The following SF3A2 variants were observed in gnomAD, a reference collection of about 807,000 sequenced individuals.
SF3A2 encodes the protein splicing factor 3a subunit 2.
A neutral mutation model predicts 31.1 loss-of-function variants in SF3A2; 5 were observed. The observed-to-expected ratio is 0.16, with a 90% confidence interval of 0.08 to 0.34. The LOEUF is 0.34. Ranked by LOEUF, SF3A2 falls within the 10% of genes least tolerant of loss-of-function variation. The pLI, the probability that SF3A2 is intolerant of heterozygous loss-of-function variation, is 1.00. For synonymous variants in SF3A2, 365 were observed against 263.7 expected (o/e 1.38, Z -3.72); for missense variants, 577 against 643.9 (o/e 0.90, Z 1.13).
intron 1 of SF3A2, among the ~76,000 whole-genome samples, chr19:2,242,745 G>T (rs2024902022): frequency 1.3e-5 from 2 of 152,178 alleles, no homozygotes; most frequent in Admixed American, 1.3e-4. Flanking sequence ...GCCTGAAAGG[G>T]CGTGGGAGAC....
chr19:2,247,911 C>A lies in SF3A2; in HGVS notation c.760C>A (p.Pro254Thr). ...ACCGCTGCCTGAGTCTTTGCCACCG[C>A]CCCCGCCAGGAGGCCTGCCTCTGCC... is the stretch of plus-strand genomic sequence containing the variant. ...RPPLPESLPP[P>T]PPGGLPLPPM... Residue 254 changes from proline to threonine, a missense_variant, in exon 9 of 9, where the codon CCC becomes ACC. By Grantham distance (38) the Pro-to-Thr change is conservative. This residue lies in a region of SF3A2 where 462 missense variants were observed against 339.1 expected (regional missense o/e 1.36). Coordinates refer to ENST00000221494, the MANE Select transcript of SF3A2 (RefSeq NM_007165.5). The A allele has an allele frequency of 2.5e-6, 4 of 1,574,592 alleles. No homozygotes were observed. Among genetic ancestry groups the A allele is most frequent in the Non-Finnish European group, 3.5e-6 (4 of 1,159,184 alleles).
intron 1 of SF3A2, among the ~76,000 whole-genome samples, chr19:2,241,041 G>A (rs79523899): frequency 3.3e-5 from 5 of 152,208 alleles, no homozygotes; most frequent in Admixed American, 6.5e-5. Context: ...TGCAGGCTTG[G>A]GGGTAGAGAC....
In SF3A2 at chr19:2,248,290, A is replaced by G; in HGVS notation, c.1139A>G (p.His380Arg). Residue 380 changes from histidine (H) to arginine (R), a missense_variant, in exon 9 of 9, where the codon CAC (histidine) becomes CGC (arginine). This residue lies in a region of SF3A2 where 462 missense variants were observed against 339.1 expected (regional missense o/e 1.36). Transcript: ENST00000221494. ...AGVHPQAPGVHPAAPAVHPQA... is the reference protein window; with the variant it reads ...AGVHPQAPGVRPAAPAVHPQA... ...GTTCACCCCCAGGCCCCGGGGGTGC[A>G]CCCAGCAGCCCCCGCCGTTCACCCT... 1 of 1,265,488 alleles carries G rather than the reference A, an allele frequency of 7.9e-7. No homozygotes were observed. Among genetic ancestry groups the G allele is most frequent in the Middle Eastern group, 2.6e-4 (1 of 3,856 alleles). 78.4% of individuals were successfully genotyped at this position (1,265,488 alleles called of 1,614,324 possible). A position where few individuals can be genotyped will look rare whatever the true frequency, so the allele number is the denominator to read the frequency against.
rs559739704 is a variant in SF3A2, at chr19:2,246,369, C to T, written c.356-384C>T. ...GGGAAGGGCATCCTCTCTCGCTCAC[C>T]GTATACATGGTGTCAGCCCTGTTCA... On this transcript the variant is annotated intron_variant, in intron 5 of 8. Transcript: ENST00000221494. This position sits in a 1 kb window ranked among gnomAD's most constrained non-coding sequence, Gnocchi z 5.5. 8.5e-5 allele frequency among the ~76,000 whole-genome samples: 13 copies of T among 152,212 alleles called. No individual in the cohort carries two copies. The highest frequency in any genetic ancestry group is 5.9e-4 in the Admixed American group (9 of 15,296).
intron 1 of SF3A2, among the ~76,000 whole-genome samples, chr19:2,238,726 C>T (rs1161430275): frequency 6.6e-6 from 1 of 152,218 alleles, no homozygotes; most frequent in Non-Finnish European, 1.5e-5. Context: ...CCACCTCTCA[C>T]ACACCTATCA....
intron 1 of SF3A2, chr19:2,237,635 G>C (rs1055498200): frequency 4.6e-5 from 7 of 152,204 alleles, no homozygotes; most frequent in African/African-American, 1.7e-4. Flanking sequence ...CGGGATCGCG[G>C]CTGAAATGGT....
intron 2 of SF3A2, among the ~76,000 whole-genome samples, chr19:2,244,128 GGTCTTCAGTGTAGCCCATTTGCTTTTCTT>G (rs1424833974): frequency 1.3e-5 from 2 of 152,194 alleles, no homozygotes; most frequent in African/African-American, 4.8e-5. Flanking sequence ...CGGGTCTTTG[GGTCTTCAGTGTAGCCCATTTGCTTTTCTT>G]GTGCCTGTGT....
At position 2,246,853 on chromosome 19, in the gene SF3A2, G is replaced by A. The variant is rs939823677; in HGVS notation, c.406-29G>A. On this transcript the variant is annotated intron_variant, in intron 6 of 8. Transcript: ENST00000221494. This position sits in a 1 kb window ranked among gnomAD's most constrained non-coding sequence, Gnocchi z 5.5. Reference sequence around the variant, plus strand: ...GGGCGGCCAAAGGCACCCAAGAGGCGGCTCTGCCACCCGGCCGTGTCCCTG... The same window carrying A: ...GGGCGGCCAAAGGCACCCAAGAGGCAGCTCTGCCACCCGGCCGTGTCCCTG... 9.3e-6 allele frequency: 15 copies of A among 1,613,048 alleles called. No individual in the cohort carries two copies. Among genetic ancestry groups the A allele is most frequent in the Non-Finnish European group, 1.3e-5 (15 of 1,179,774 alleles).
chr19:2,245,622 A>C lies in SF3A2; in HGVS notation c.355+67A>C. On this transcript the variant is annotated intron_variant, in intron 5 of 8. Transcript: ENST00000221494. This position sits in a 1 kb window ranked among gnomAD's most constrained non-coding sequence, Gnocchi z 4.2. The stretch of plus-strand genomic sequence containing the variant: ...GACATAAGTGTGTTCTTTAGTCTCC[A>C]GTGCGGGAGGTGCAGCCCTGATAGC... 1 of 1,208,388 alleles carries C rather than the reference A, an allele frequency of 8.3e-7. No homozygotes were observed. The highest frequency in any genetic ancestry group is 1.2e-6 in the Non-Finnish European group (1 of 835,122). 74.9% of individuals were successfully genotyped at this position (1,208,388 alleles called of 1,614,324 possible).
Position 2,244,620 on chromosome 19 carries a change from G to C in SF3A2, c.198+5G>C. On this transcript the variant is annotated splice_donor_5th_base_variant and intron_variant, in intron 3 of 8. Transcript: ENST00000221494. Reference sequence around the variant, plus strand: ...CTGACACTTCACAACAATGAGGTGCGGCCTCTGCCTGGCTCCGGGCGGCTC... The same window carrying C: ...CTGACACTTCACAACAATGAGGTGCCGCCTCTGCCTGGCTCCGGGCGGCTC... 3 of 1,613,868 alleles carry C rather than the reference G, an allele frequency of 1.9e-6. No individual in the cohort carries two copies. Among genetic ancestry groups the C allele is most frequent in the East Asian group, 2.2e-5 (1 of 44,886 alleles).
Position 2,248,531 on chromosome 19 carries a change from TC to T in SF3A2, c.1385del (p.Pro462GlnfsTer23), listed in dbSNP as rs1202285667. The T allele has an allele frequency of 1.3e-5, 13 of 978,106 alleles. No individual in the cohort carries two copies. The highest frequency in any genetic ancestry group is 1.6e-5 in the Non-Finnish European group (12 of 769,886). 60.6% of individuals were successfully genotyped at this position (978,106 alleles called of 1,614,324 possible). A position where few individuals can be genotyped will look rare whatever the true frequency, so the allele number is the denominator to read the frequency against. On this transcript the variant is annotated frameshift_variant, in exon 9 of 9. Transcript: ENST00000221494. LOFTEE classifies it high-confidence loss of function. ...SEGPGNIPPP[P>X]PTN ...AAGGCCCAGGGAACATACCTCCCCC[TC>T]CCCCAACCAACTGAGAAGCTGCTCC...
In SF3A2 at chr19:2,243,370, TG is replaced by T; in HGVS notation, c.-37-10del. Reference sequence around the variant, plus strand: ...TGAGCCATCTTCCTCACTCTCCTCTTGGCCTCCACAGGTGTCTCCCAGTCTG... The same window carrying T: ...TGAGCCATCTTCCTCACTCTCCTCTTGCCTCCACAGGTGTCTCCCAGTCTG... On this transcript the variant is annotated splice_polypyrimidine_tract_variant and intron_variant, in intron 1 of 8. Transcript: ENST00000221494. 6.8e-7 allele frequency: 1 copy of T among 1,479,246 alleles called. No homozygotes were observed. The allele number at this position is 1,479,246 out of a possible 1,614,324, so 91.6% of individuals were successfully genotyped here.
Position 2,248,382 on chromosome 19 carries a change from C to T in SF3A2, c.1231C>T (p.Pro411Ser). 1 of 1,380,372 alleles carries T rather than the reference C, an allele frequency of 7.2e-7. No individual in the cohort carries two copies. The highest frequency in any genetic ancestry group is 9.3e-7 in the Non-Finnish European group (1 of 1,071,506). 85.5% of individuals were successfully genotyped at this position (1,380,372 alleles called of 1,614,324 possible). The change falls in exon 9 of 9, where the codon CCT (proline) becomes TCT (serine). Residue 411 changes from proline (P) to serine (S), a missense_variant. Physicochemically the swap from Pro to Ser is moderately conservative, Grantham distance 74. Around this residue, in one of 6 missense-constraint regions of SF3A2, gnomAD observed 462 missense variants for 339.1 expected, o/e 1.36. Coordinates refer to ENST00000221494, the MANE Select transcript of SF3A2 (RefSeq NM_007165.5). ...TCAGGCCCCGGGGGTCCACCCCCAA[C>T]CTCCCGGGGTCCATCCGTCGGCTCC... is the stretch of plus-strand genomic sequence containing the variant. ...HPQAPGVHPQ[P>S]PGVHPSAPGV...
At chr19:2,247,180 C>A in intron 7 of SF3A2, 158 bp downstream of exon 7, 1 of 623,382 alleles carries the variant, frequency 1.6e-6, no homozygotes, top group South Asian at 2.2e-5. Flanking sequence ...CAGGGCACCT[C>A]TCCCATTGGG....
Position 2,240,184 on chromosome 19 carries a change from C to T in SF3A2, c.-37-3198C>T, listed in dbSNP as rs371844623. Among the ~76,000 whole-genome samples, 15 of 152,298 alleles carry T rather than the reference C, an allele frequency of 9.8e-5. No homozygotes were observed. In the South Asian group the frequency reaches 2.3e-3, roughly 23 times the overall value. On this transcript the variant is annotated intron_variant, in intron 1 of 8. Transcript: ENST00000221494. ...CCCGGAAAAGACTCCTGGCCTCCCC[C>T]GGGGTGGGGGGCGTCCGTGCTGGGC...
intron 2 of SF3A2, among the ~76,000 whole-genome samples, chr19:2,244,181 A>G (rs976581567): frequency 3.3e-5 from 5 of 151,928 alleles, no homozygotes; most frequent in African/African-American, 9.7e-5. Context: ...CCTTGTGCCT[A>G]CTGCTGGCGT....
intron 1 of SF3A2, among the ~76,000 whole-genome samples, chr19:2,239,081 T>G (rs1397746630): frequency 6.6e-6 from 1 of 152,222 alleles, no homozygotes; most frequent in African/African-American, 2.4e-5. Flanking sequence ...TCTGTATTTG[T>G]AGGCCGGGCG....
chr19:2,247,737 T>C (rs1279444619), intron 8 of SF3A2, 30 bp from the exon 9 acceptor site: 4 of 1,609,736 alleles, frequency 2.5e-6, no homozygotes, highest in East Asian at 2.2e-5. Flanking sequence ...GCCCCACCCG[T>C]GCCTGCTGAA....
chr19:2,241,806 C>T (rs376692299), intron 1 of SF3A2, among the ~76,000 whole-genome samples: 12 of 152,048 alleles, frequency 7.9e-5, no homozygotes, highest in African/African-American at 2.7e-4. Context: ...GAAGGGATGG[C>T]GATGGTCACA....
Sources: allele counts gnomAD v4.1 joint callset (sites outside exome capture counted in the v4.1 genomes callset), GRCh38; gene constraint gnomAD v4.1.1; regional missense constraint gnomAD v4.1.1; non-coding constraint Gnocchi (gnomAD v3.1); transcripts MANE v1.5; gene names NCBI Gene and HGNC (gene_info 2026-07-23, HGNC 2026-07-21).